AKAP14: variants seen among roughly 807,000 people sequenced by gnomAD.
The protein encoded by AKAP14 is A-kinase anchoring protein 14, also known as A-kinase anchor protein 14.
In AKAP14, 4 loss-of-function variants were observed where a neutral mutation model predicts 17.0. The ratio of observed to expected loss-of-function variants is 0.23; its 90% CI spans 0.12 to 0.54. AKAP14 has a LOEUF of 0.54. AKAP14 is among the 20% of genes least tolerant of loss of function. The probability of loss-of-function intolerance (pLI) is 0.95; values close to 1 mark genes in which losing one functional copy is unlikely to be tolerated. For missense variants in AKAP14, 129 were observed against 150.9 expected (o/e 0.85, Z 0.76); for synonymous variants, 42 against 51.3 (o/e 0.82, Z 0.77).
chrX:119,896,307 G>T (rs1474743881), intron 2 of AKAP14, 40 bp downstream of exon 2: 1 of 108,387 alleles, frequency 9.2e-6, no homozygotes, highest in Admixed American at 1.0e-4. Flanking sequence ...CCACAGAAAG[G>T]ACTTGCAGTG....
At chrX:119,896,363 C>G (rs1334327961) in intron 2 of AKAP14, 96 bp downstream of exon 2, 1 of 105,201 alleles carries the variant, frequency 9.5e-6, no homozygotes, top group Non-Finnish European at 1.9e-5. Flanking sequence ...CCATTCCCCC[C>G]ATCTCTTCCT....
In AKAP14 at chrX:119,919,914, G is replaced by A. The variant is rs1337255269; in HGVS notation, c.445G>A (p.Ala149Thr). 9.9e-6 allele frequency: 12 copies of A among 1,206,415 alleles called. No individual in the cohort carries two copies. The highest frequency in any genetic ancestry group is 2.2e-5 in the Admixed American group (1 of 45,399). ...CAGTTGTCCTTCTCTTTTTTAGGAT[G>A]CACCCATTGTTGTTTCTTATGTAGG... is the stretch of plus-strand genomic sequence containing the variant. ...MKVSKTKPPDAPIVVSYVGDH... is the reference protein window; with the variant it reads ...MKVSKTKPPDTPIVVSYVGDH... Residue 149 changes from alanine to threonine, a missense_variant, in exon 6 of 7, where the codon GCA (alanine) becomes ACA (threonine). Physicochemically the swap from Ala to Thr is moderately conservative, Grantham distance 58. Transcript: ENST00000371431.
chrX:119,898,941 G>T lies in AKAP14; in HGVS notation c.-11+2674G>T, dbSNP rs58320840. On this transcript the variant is annotated intron_variant, in intron 2 of 6. Coordinates refer to ENST00000371431, the MANE Select transcript of AKAP14 (RefSeq NM_178813.6). ...CCCAGCACTTTGGGAGACTGAGGTG[G>T]GTGGATCAGGAGGTCAGGAGTTCAA... is the stretch of plus-strand genomic sequence containing the variant. Among the ~76,000 whole-genome samples the T allele has an allele frequency of 8.9e-3, 958 of 107,090 alleles. 11 individuals carry two copies. The highest frequency in any genetic ancestry group is 0.03 in the African/African-American group (884 of 29,316). 93.0% of individuals were successfully genotyped at this position (107,090 alleles called of 115,157 possible). A position where few individuals can be genotyped will look rare whatever the true frequency, so the allele number is the denominator to read the frequency against.
chrX:119,920,212 G>A (rs970255920), intron 6 of AKAP14, among the ~76,000 whole-genome samples: 1 of 111,388 alleles, frequency 9.0e-6, no homozygotes, highest in Non-Finnish European at 1.9e-5. Context: ...CATGTCTATC[G>A]TTTCTAAGGA....
intron 5 of AKAP14, 84 bp downstream of exon 5, chrX:119,914,962 T>C: frequency 1.0e-6 from 1 of 985,001 alleles, no homozygotes; most frequent in African/African-American, 1.9e-5. Context: ...ACCCCATTTT[T>C]ACAAAATTTA....
At chrX:119,911,860 G>T (rs1450049228) in intron 4 of AKAP14, among the ~76,000 whole-genome samples, 1 of 108,950 alleles carries the variant, frequency 9.2e-6, no homozygotes, top group African/African-American at 3.3e-5. Flanking sequence ...GCCATTGTGG[G>T]AAGTCTTAAA....
At chrX:119,912,274 C>T (rs2056631876) in intron 4 of AKAP14, among the ~76,000 whole-genome samples, 3 of 110,802 alleles carry the variant, frequency 2.7e-5, no homozygotes, top group Non-Finnish European at 5.7e-5. Flanking sequence ...ATGACTGAAG[C>T]TGTGCTTAAG....
Position 119,914,818 on chromosome X carries a change from C to T in AKAP14, c.381C>T (p.Pro127=), listed in dbSNP as rs369672784. The part of the protein sequence containing the change: ...VHWSISTADL[P]VARISAGTYF... ...GGAGTATCTCAACTGCTGACCTACC[C>T]GTAGCACGAATCTCTGCTGGTACCT... The change falls in exon 5 of 7, where the codon CCC becomes CCT. Residue 127 remains proline, a synonymous_variant. Coordinates refer to ENST00000371431, the MANE Select transcript of AKAP14 (RefSeq NM_178813.6). 76 of 1,209,250 alleles carry T rather than the reference C, an allele frequency of 6.3e-5. No individual in the cohort carries two copies. The highest frequency in any genetic ancestry group is 1.0e-4 in the African/African-American group (6 of 57,247).
chrX:119,903,586 G>A lies in AKAP14; in HGVS notation c.261G>A (p.Ser87=). The stretch of plus-strand genomic sequence containing the variant: ...TTAAACAAATTGACGAATATTTTTC[G>A]GTAAGTTAGGCCGACCACTCCAGCA... ...KGLKQIDEYF[S]KCVSKKCWAH... The change falls in exon 4 of 7, where the codon TCG becomes TCA. Residue 87 remains serine, a splice_region_variant and synonymous_variant. Coordinates refer to ENST00000371431, the MANE Select transcript of AKAP14 (RefSeq NM_178813.6). The A allele has an allele frequency of 2.5e-6, 3 of 1,210,520 alleles. No homozygotes were observed. The highest frequency in any genetic ancestry group is 2.2e-6 in the Non-Finnish European group (2 of 895,013).
intron 2 of AKAP14, among the ~76,000 whole-genome samples, chrX:119,899,758 A>G (rs2056553764): frequency 9.0e-6 from 1 of 111,461 alleles, no homozygotes; most frequent in South Asian, 3.8e-4. Flanking sequence ...GGAAAGGCAA[A>G]TGGAAGGTGC....
At chrX:119,913,943 T>A (rs368304331) in intron 4 of AKAP14, among the ~76,000 whole-genome samples, 1 of 108,713 alleles carries the variant, frequency 9.2e-6, no homozygotes, top group African/African-American at 3.4e-5. Flanking sequence ...AATAAAAAAA[T>A]ATTAGGAGTG....
rs151192331 is a variant in AKAP14, at chrX:119,902,306, C to T, written c.-10-908C>T. Among the ~76,000 whole-genome samples the T allele has an allele frequency of 1.7e-3, 192 of 110,849 alleles. 1 individual carries two copies. The highest frequency in any genetic ancestry group is 4.7e-3 in the Middle Eastern group (1 of 214). ...GGCCAGAGTGGTCTTCAACTCCTGACCTCGTGATATGCCTGCCTCAGGCTC... is the reference window on the plus strand; with the variant it reads ...GGCCAGAGTGGTCTTCAACTCCTGATCTCGTGATATGCCTGCCTCAGGCTC... On this transcript the variant is annotated intron_variant, in intron 2 of 6. Coordinates refer to ENST00000371431, the MANE Select transcript of AKAP14 (RefSeq NM_178813.6).
In AKAP14 at chrX:119,914,828, A is replaced by G. The variant is rs1460228237; in HGVS notation, c.391A>G (p.Ile131Val). The change falls in exon 5 of 7, where the codon ATC becomes GTC. Residue 131 changes from isoleucine to valine, a missense_variant. Physicochemically the swap from Ile to Val is conservative, Grantham distance 29. Coordinates refer to ENST00000371431, the MANE Select transcript of AKAP14 (RefSeq NM_178813.6). ...AACTGCTGACCTACCCGTAGCACGAATCTCTGCTGGTACCTACTTCACCAT... is the reference window on the plus strand; with the variant it reads ...AACTGCTGACCTACCCGTAGCACGAGTCTCTGCTGGTACCTACTTCACCAT... Reference protein sequence around the residue: ...ISTADLPVARISAGTYFTMKV... With the variant: ...ISTADLPVARVSAGTYFTMKV... 1.7e-5 allele frequency: 21 copies of G among 1,211,084 alleles called. No individual in the cohort carries two copies. The highest frequency in any genetic ancestry group is 2.3e-5 in the Non-Finnish European group (21 of 895,116).
rs112364579 is a variant in AKAP14 at position 119,913,037 on chromosome X, C to T, written c.262-1662C>T. ...GAGTGGTGGCTCATGCCTGTAATCCCAGCACTTTGGTAGGCTGAGGCAGGC... is the reference window on the plus strand; with the variant it reads ...GAGTGGTGGCTCATGCCTGTAATCCTAGCACTTTGGTAGGCTGAGGCAGGC... On this transcript the variant is annotated intron_variant, in intron 4 of 6. Coordinates refer to ENST00000371431, the MANE Select transcript of AKAP14 (RefSeq NM_178813.6). Among the ~76,000 whole-genome samples, 1,069 of 109,477 alleles carry T rather than the reference C, an allele frequency of 9.8e-3. 15 individuals carry two copies. The highest frequency in any genetic ancestry group is 0.033 in the African/African-American group (997 of 30,140).
intron 4 of AKAP14, among the ~76,000 whole-genome samples, chrX:119,912,858 G>A (rs995741319): frequency 9.0e-6 from 1 of 111,451 alleles, no homozygotes; most frequent in Non-Finnish European, 1.9e-5. Context: ...GATTGAAAAG[G>A]TTGGCCCTAT....
chrX:119,905,356 T>G (rs1174356950), intron 4 of AKAP14, among the ~76,000 whole-genome samples: 1 of 112,593 alleles, frequency 8.9e-6, no homozygotes, highest in Non-Finnish European at 1.9e-5. Context: ...TGCAAGTTAT[T>G]CTTGAGCCTT....
intron 6 of AKAP14, among the ~76,000 whole-genome samples, 154 bp from the exon 7 acceptor site, chrX:119,920,354 T>G (rs1008312213): frequency 9.0e-6 from 1 of 111,328 alleles, no homozygotes; most frequent in Non-Finnish European, 1.9e-5. Context: ...AGGATAGACA[T>G]AGAGAACCTT....
At chrX:119,906,306 C>T (rs1288515007) in intron 4 of AKAP14, among the ~76,000 whole-genome samples, 1 of 91,455 alleles carries the variant, frequency 1.1e-5, no homozygotes, top group African/African-American at 4.4e-5. Flanking sequence ...GTGATCTTGG[C>T]TCACTGCACC....
At chrX:119,905,422 C>T (rs1254070655) in intron 4 of AKAP14, among the ~76,000 whole-genome samples, 2 of 112,861 alleles carry the variant, frequency 1.8e-5, no homozygotes, top group African/African-American at 6.4e-5. Context: ...GCCTACTGCA[C>T]TCAGGGTTCC....
Sources: gnomAD v4.1 joint callset for allele counts (sites outside exome capture counted in the v4.1 genomes callset) on GRCh38, gnomAD v4.1.1 for gene constraint, MANE v1.5 for transcripts, NCBI Gene and HGNC (gene_info 2026-07-23, HGNC 2026-07-21) for gene names.